The following FAM13C variants were observed in gnomAD, a reference collection of about 807,000 sequenced individuals.
FAM13C encodes the protein protein FAM13C.
In FAM13C, 37 loss-of-function variants were observed where a neutral mutation model predicts 73.2. That is an observed-to-expected ratio of 0.51 (90% CI 0.39 to 0.67). The LOEUF is 0.67. Ranked by LOEUF, FAM13C falls within the 30% of genes least tolerant of loss-of-function variation. FAM13C has a pLI of 0.00. For synonymous variants in FAM13C, 246 were observed against 260.9 expected (o/e 0.94, Z 0.55); for missense variants, 589 against 715.6 (o/e 0.82, Z 2.02).
At chr10:59,346,069 A>T (rs146356546) in intron 3 of FAM13C, among the ~76,000 whole-genome samples, 68 of 152,322 alleles carry the variant, frequency 4.5e-4, no homozygotes, top group Non-Finnish European at 5.3e-4. Flanking sequence ...CAGTGCTTTC[A>T]AAGTCAATAA....
chr10:59,356,059 T>C (rs1219103153), intron 1 of FAM13C, 116 bp from the exon 2 acceptor site: 5 of 908,108 alleles, frequency 5.5e-6, no homozygotes, highest in Non-Finnish European at 7.1e-6. Flanking sequence ...AAACACTCCC[T>C]ATCATTCTCT....
chr10:59,266,896 C>G (rs1843129506), intron 8 of FAM13C, among the ~76,000 whole-genome samples: 1 of 152,130 alleles, frequency 6.6e-6, no homozygotes, highest in South Asian at 2.1e-4. Context: ...ATATATAACT[C>G]ATAGATTAAA....
chr10:59,309,166 A>G (rs1351514095), intron 4 of FAM13C, among the ~76,000 whole-genome samples: 2 of 152,084 alleles, frequency 1.3e-5, no homozygotes, highest in Non-Finnish European at 2.9e-5. Context: ...CCCAATAACC[A>G]AGTTATTAAC....
intron 4 of FAM13C, among the ~76,000 whole-genome samples, chr10:59,310,793 A>G (rs1005956207): frequency 3.9e-5 from 6 of 152,162 alleles, no homozygotes; most frequent in African/African-American, 1.4e-4. Context: ...CCCACCTTGT[A>G]CTTCTCTGAA....
intron 8 of FAM13C, among the ~76,000 whole-genome samples, chr10:59,264,551 A>C (rs1441500148): frequency 6.6e-6 from 1 of 152,290 alleles, no homozygotes; most frequent in East Asian, 1.9e-4. Context: ...TTTCTGTAGC[A>C]CTGCAGATGA....
intron 6 of FAM13C, chr10:59,282,672 G>A (rs1845071180): frequency 1.3e-5 from 2 of 152,200 alleles, no homozygotes; most frequent in African/African-American, 4.8e-5. Flanking sequence ...CATAAGCTGT[G>A]CTCTCACTTA....
At chr10:59,327,145 C>T (rs573510844) in intron 3 of FAM13C, among the ~76,000 whole-genome samples, 24 of 152,142 alleles carry the variant, frequency 1.6e-4, no homozygotes, top group African/African-American at 3.6e-4. Flanking sequence ...CAACACAAGA[C>T]GTCCCGACCC....
intron 5 of FAM13C, among the ~76,000 whole-genome samples, chr10:59,283,984 C>G (rs563204028): frequency 6.6e-6 from 1 of 152,090 alleles, no homozygotes; most frequent in Non-Finnish European, 1.5e-5. Flanking sequence ...TGCCTGGCAT[C>G]TGGGAGGGGC....
At chr10:59,250,264 G>T (rs1262319937) in intron 13 of FAM13C, among the ~76,000 whole-genome samples, 1 of 151,860 alleles carries the variant, frequency 6.6e-6, no homozygotes, top group African/African-American at 2.4e-5. Context: ...CTACTCCAAG[G>T]AATATTTTAC....
intron 3 of FAM13C, among the ~76,000 whole-genome samples, chr10:59,349,347 A>G (rs1332613831): frequency 6.6e-6 from 1 of 152,240 alleles, no homozygotes; most frequent in Non-Finnish European, 1.5e-5. Context: ...ACTTCAAATG[A>G]CAGACTCTTG....
At chr10:59,278,129 C>A (rs1195072925) in intron 6 of FAM13C, among the ~76,000 whole-genome samples, 1 of 152,164 alleles carries the variant, frequency 6.6e-6, no homozygotes, top group Non-Finnish European at 1.5e-5. Context: ...AACCATCAGA[C>A]CTCATGTGAC....
chr10:59,278,082 G>A (rs1420036543), intron 6 of FAM13C, among the ~76,000 whole-genome samples: 1 of 152,192 alleles, frequency 6.6e-6, no homozygotes, highest in East Asian at 1.9e-4. Flanking sequence ...TGGCAGACAA[G>A]AGAAGAGAGC....
At chr10:59,356,759 G>T (rs186223678) in intron 1 of FAM13C, among the ~76,000 whole-genome samples, 2 of 152,256 alleles carry the variant, frequency 1.3e-5, no homozygotes, top group East Asian at 3.9e-4. Flanking sequence ...TCATTCCTGG[G>T]TGTGTCTGTG....
intron 4 of FAM13C, among the ~76,000 whole-genome samples, chr10:59,307,328 C>T (rs284583): frequency 5.0e-4 from 76 of 152,010 alleles, no homozygotes; most frequent in African/African-American, 1.7e-3. Context: ...TGCTAGGCAA[C>T]GTACCTAGAA....
At chr10:59,268,286 G>GA (rs1237426327) in intron 8 of FAM13C, among the ~76,000 whole-genome samples, 32 of 149,990 alleles carry the variant, frequency 2.1e-4, no homozygotes, top group Middle Eastern at 3.4e-3. Flanking sequence ...TTGTTCCTCA[G>GA]AAAAAAAAAG....
chr10:59,332,120 G>A (rs906511515), intron 3 of FAM13C, among the ~76,000 whole-genome samples: 6 of 152,100 alleles, frequency 3.9e-5, no homozygotes, highest in African/African-American at 1.2e-4. Flanking sequence ...CCTGAGGAAT[G>A]CCAATATTTA....
chr10:59,264,250 AT>A lies in FAM13C; in HGVS notation c.943-85del, dbSNP rs544577803. 238 of 916,140 alleles carry A rather than the reference AT, an allele frequency of 2.6e-4. 1 individual carries two copies. The African/African-American group carries it at 3.7e-3, about 14-fold the overall frequency. The allele number at this position is 916,140 out of a possible 1,614,324, so 56.8% of individuals were successfully genotyped here. The stretch of plus-strand genomic sequence containing the variant: ...AGAAAAAGAGAAAAGGAAAAACAAA[AT>A]TTTTAAACAGATGAGCTACACAAAG... On this transcript the variant is annotated intron_variant, in intron 8 of 13. Transcript: ENST00000618804.
At chr10:59,314,689 C>T (rs1182608514) in intron 4 of FAM13C, among the ~76,000 whole-genome samples, 1 of 152,036 alleles carries the variant, frequency 6.6e-6, no homozygotes, top group Non-Finnish European at 1.5e-5. Flanking sequence ...CCCCTTGGAC[C>T]CCACCCCCAC....
chr10:59,289,557 T>C (rs920288947), intron 5 of FAM13C, among the ~76,000 whole-genome samples: 3 of 152,340 alleles, frequency 2.0e-5, no homozygotes, highest in Middle Eastern at 6.8e-3. Context: ...CTCTGCAGTA[T>C]GAGGCTATTA....
Sources: allele counts gnomAD v4.1 joint callset (sites outside exome capture counted in the v4.1 genomes callset), GRCh38; gene constraint gnomAD v4.1.1; transcripts MANE v1.5; gene names NCBI Gene and HGNC (gene_info 2026-07-23, HGNC 2026-07-21).